PITPNM3: variants seen among roughly 807,000 people sequenced by gnomAD.
The protein encoded by PITPNM3 is membrane-associated phosphatidylinositol transfer protein 3.
In PITPNM3, 26 loss-of-function variants were observed where a neutral mutation model predicts 102.0. The observed-to-expected ratio is 0.25, with a 90% confidence interval of 0.19 to 0.35. The LOEUF (loss-of-function observed/expected upper bound fraction) is 0.35, where lower values mean the gene tolerates loss of function less well. Ranked by LOEUF, PITPNM3 falls within the 10% of genes least tolerant of loss-of-function variation. The probability of loss-of-function intolerance (pLI) is 1.00; values close to 1 mark genes in which losing one functional copy is unlikely to be tolerated. For synonymous variants in PITPNM3, 578 were observed against 558.6 expected (o/e 1.03, Z -0.49); for missense variants, 1,083 against 1,346.1 (o/e 0.80, Z 3.06).
Position 6,469,897 on chromosome 17 carries a change from G to C in PITPNM3, c.1773+363C>G, listed in dbSNP as rs1321983396. ...TCCCTCCCCACCAGGCTCTCCTTCT[G>C]GCGCCGGCCTTTCTGCTATACCTTC... On this transcript the variant is annotated intron_variant, in intron 13 of 19. Coordinates refer to ENST00000262483, the MANE Select transcript of PITPNM3 (RefSeq NM_031220.4). This position sits in a 1 kb window ranked among gnomAD's most constrained non-coding sequence, Gnocchi z 4.0. 6.6e-6 allele frequency among the ~76,000 whole-genome samples: 1 copy of C among 152,128 alleles called. No individual in the cohort carries two copies. The highest frequency in any genetic ancestry group is 1.5e-5 in the Non-Finnish European group (1 of 68,026).
chr17:6,543,760 C>T (rs1181441679), intron 1 of PITPNM3, among the ~76,000 whole-genome samples: 1 of 152,144 alleles, frequency 6.6e-6, no homozygotes, highest in African/African-American at 2.4e-5. Flanking sequence ...ATGTCTGTCC[C>T]GCGGCAAGTG....
At chr17:6,522,332 T>C (rs1908582237) in intron 3 of PITPNM3, among the ~76,000 whole-genome samples, 1 of 150,986 alleles carries the variant, frequency 6.6e-6, no homozygotes, top group Non-Finnish European at 1.5e-5. Flanking sequence ...ATTAACACCC[T>C]TGAGAACTGG....
At chr17:6,480,212 C>A (rs1489157024) in intron 6 of PITPNM3, 1 of 152,204 alleles carries the variant, frequency 6.6e-6, no homozygotes, top group Non-Finnish European at 1.5e-5. Context: ...AGCCAGGTTG[C>A]GGAATTACAG....
Position 6,472,095 on chromosome 17 carries a change from T to C in PITPNM3, c.1429+562A>G, listed in dbSNP as rs948189497. 2.0e-5 allele frequency among the ~76,000 whole-genome samples: 3 copies of C among 152,290 alleles called. No individual in the cohort carries two copies. The highest frequency in any genetic ancestry group is 4.8e-5 in the African/African-American group (2 of 41,558). On this transcript the variant is annotated intron_variant, in intron 11 of 19. Coordinates refer to ENST00000262483, the MANE Select transcript of PITPNM3 (RefSeq NM_031220.4). The surrounding 1 kb of genome is among the most constrained non-coding windows in gnomAD (Gnocchi z 4.1). ...CTGACTGTCCATTACAGGTCTCCCA[T>C]CGACGATACACTCGGTCCATGCCCG...
At chr17:6,499,580 C>T (rs749480124) in intron 4 of PITPNM3, among the ~76,000 whole-genome samples, 26 of 152,202 alleles carry the variant, frequency 1.7e-4, no homozygotes, top group Non-Finnish European at 2.9e-4. Flanking sequence ...AAGGCACATC[C>T]GTCCAGTAAC....
intron 16 of PITPNM3, 44 bp downstream of exon 16, chr17:6,464,126 T>C (rs1380751723): frequency 7.4e-6 from 12 of 1,613,838 alleles, no homozygotes; most frequent in Middle Eastern, 1.7e-4. Flanking sequence ...GGAAGGGCCA[T>C]AGAAATGAGA....
rs1284584279 is a variant in PITPNM3, at chr17:6,508,039, T to TGCTGGGGATGCA, written c.227-4466_227-4465insTGCATCCCCAGC. Among the ~76,000 whole-genome samples, 89 of 149,056 alleles carry TGCTGGGGATGCA rather than the reference T, an allele frequency of 6.0e-4. 22 individuals are homozygous for TGCTGGGGATGCA. Among genetic ancestry groups the TGCTGGGGATGCA allele is most frequent in the African/African-American group, 2.1e-3 (83 of 40,018 alleles). ...GGGATGCAGCTGGGGTTGCTGGGAA[T>TGCTGGGGATGCA]GCTGGGGTTGCTGGGGTTGCTGGGG... On this transcript the variant is annotated intron_variant, in intron 3 of 19. Transcript: ENST00000262483.
Position 6,455,500 on chromosome 17 carries a change from G to A in PITPNM3, c.2763C>T (p.Asn921=), listed in dbSNP as rs767579255. Reference sequence around the variant, plus strand: ...GCACTGACATGGTTCTGCGCAGGTGGTTGCGCTTCCGCAGGAACTCTGGCT... The same window carrying A: ...GCACTGACATGGTTCTGCGCAGGTGATTGCGCTTCCGCAGGAACTCTGGCT... ...HAQPEFLRKR[N]HLRRTMSVQQ... The change falls in exon 20 of 20, where the codon AAC becomes AAT. Residue 921 remains asparagine, a synonymous_variant. Transcript: ENST00000262483. The A allele has an allele frequency of 4.4e-6, 7 of 1,606,050 alleles. No individual in the cohort carries two copies. The highest frequency in any genetic ancestry group is 2.2e-5 in the East Asian group (1 of 44,644).
intron 8 of PITPNM3, 92 bp from the exon 9 acceptor site, chr17:6,477,305 C>T: frequency 1.5e-6 from 2 of 1,332,424 alleles, no homozygotes; most frequent in Admixed American, 1.8e-5. Flanking sequence ...CAAACCAACC[C>T]CTTCATCCTA....
Position 6,525,464 on chromosome 17 carries a change from C to T in PITPNM3, c.119-1G>A. ...GCATTCTTCCCTTCAGCCATCTCCTCTGTGGGAAGAAGCAGCGGTGAGCAG... is the reference window on the plus strand; with the variant it reads ...GCATTCTTCCCTTCAGCCATCTCCTTTGTGGGAAGAAGCAGCGGTGAGCAG... On this transcript the variant is annotated splice_acceptor_variant, in intron 2 of 19. Coordinates refer to ENST00000262483, the MANE Select transcript of PITPNM3 (RefSeq NM_031220.4). LOFTEE classifies it high-confidence loss of function. 6.2e-7 allele frequency: 1 copy of T among 1,613,000 alleles called. No individual in the cohort carries two copies. Among genetic ancestry groups the T allele is most frequent in the Non-Finnish European group, 8.5e-7 (1 of 1,178,932 alleles).
chr17:6,524,834 C>T (rs1908734939), intron 3 of PITPNM3, among the ~76,000 whole-genome samples: 1 of 152,170 alleles, frequency 6.6e-6, no homozygotes, highest in Non-Finnish European at 1.5e-5. Context: ...AATCAGCCTG[C>T]TTTGTAGGCT....
Position 6,455,591 on chromosome 17 carries a change from C to CGGTG in PITPNM3, c.2668_2671dup (p.Arg891ProfsTer187). 6.4e-7 allele frequency: 1 copy of CGGTG among 1,560,010 alleles called. No homozygotes were observed. The highest frequency in any genetic ancestry group is 8.6e-7 in the Non-Finnish European group (1 of 1,156,592). On this transcript the variant is annotated frameshift_variant, in exon 20 of 20. Transcript: ENST00000262483. LOFTEE classifies it high-confidence loss of function. ...CGAGTTGTTCTTCTTTGGGCGTGAG[C>CGGTG]GGTGGCTGGCCTCCAGCGCGGCCAG...
chr17:6,511,522 G>A (rs146327715), intron 3 of PITPNM3, among the ~76,000 whole-genome samples: 119 of 152,314 alleles, frequency 7.8e-4, no homozygotes, highest in African/African-American at 2.6e-3. Context: ...TCAGGGCCCA[G>A]TGTAAAATGA....
At chr17:6,524,179 C>T (rs1908694723) in intron 3 of PITPNM3, among the ~76,000 whole-genome samples, 1 of 152,210 alleles carries the variant, frequency 6.6e-6, no homozygotes, top group African/African-American at 2.4e-5. Flanking sequence ...GGCAGCCGTT[C>T]CCGTGGGCTG....
rs894016884 is a variant in PITPNM3 at position 6,451,416 on chromosome 17, G to A, written c.*3922C>T. On this transcript the variant is annotated 3_prime_UTR_variant, in exon 20 of 20. Transcript: ENST00000262483. Reference sequence around the variant, plus strand: ...GATATCTTACATTAGCGTTTCTAACGGATTTTGTACAAGGCAGCCATAAGG... The same window carrying A: ...GATATCTTACATTAGCGTTTCTAACAGATTTTGTACAAGGCAGCCATAAGG... 3 of 152,162 alleles carry A rather than the reference G, an allele frequency of 2.0e-5. No individual in the cohort carries two copies. Among genetic ancestry groups the A allele is most frequent in the African/African-American group, 4.8e-5 (2 of 41,444 alleles). The allele number at this position is 152,162 out of a possible 1,614,324, so 9.4% of individuals were successfully genotyped here. A position where few individuals can be genotyped will look rare whatever the true frequency, so the allele number is the denominator to read the frequency against.
chr17:6,471,331 G>T lies in PITPNM3; in HGVS notation c.1454C>A (p.Pro485His). ...CCGGGAGCTGCCCTCCAGGAAGAGGGGGCTGTGGGTGTGTAGGGCATCAGC... is the reference window on the plus strand; with the variant it reads ...CCGGGAGCTGCCCTCCAGGAAGAGGTGGCTGTGGGTGTGTAGGGCATCAGC... Reference protein sequence around the residue: ...LLADALHTHSPLFLEGSSRDS... With the variant: ...LLADALHTHSHLFLEGSSRDS... Residue 485 changes from proline to histidine, a missense_variant, in exon 12 of 20, where the codon CCC becomes CAC. By Grantham distance (77) the Pro-to-His change is moderately conservative (BLOSUM62 -2). Coordinates refer to ENST00000262483, the MANE Select transcript of PITPNM3 (RefSeq NM_031220.4). The T allele has an allele frequency of 6.2e-7, 1 of 1,605,264 alleles. No individual in the cohort carries two copies. Among genetic ancestry groups the T allele is most frequent in the Non-Finnish European group, 8.5e-7 (1 of 1,177,294 alleles).
chr17:6,458,009 C>T lies in PITPNM3; in HGVS notation c.2491-287G>A, dbSNP rs1329629649. On this transcript the variant is annotated intron_variant, in intron 18 of 19. Coordinates refer to ENST00000262483, the MANE Select transcript of PITPNM3 (RefSeq NM_031220.4). This position sits in a 1 kb window ranked among gnomAD's most constrained non-coding sequence, Gnocchi z 5.1. ...CAGGTTAAGTAATAATGAAGGCAAG[C>T]GTTCCTTTGTGGATAAGGAAATTGA... 6.6e-6 allele frequency among the ~76,000 whole-genome samples: 1 copy of T among 152,166 alleles called. No homozygotes were observed. The highest frequency in any genetic ancestry group is 2.4e-5 in the African/African-American group (1 of 41,436).
rs528852345 is a variant in PITPNM3 at position 6,555,927 on chromosome 17, G to A, written c.22+458C>T. Among the ~76,000 whole-genome samples the A allele has an allele frequency of 9.9e-5, 15 of 152,250 alleles. No individual in the cohort carries two copies. The East Asian group carries it at 2.9e-3, about 30-fold the overall frequency. ...GGAATCTGGGTCTCTGGACTGAGCT[G>A]GTGACGGGGGCTGGGGCGGGGGGTT... On this transcript the variant is annotated intron_variant, in intron 1 of 19. Transcript: ENST00000262483.
rs55984944 is a variant in PITPNM3, at chr17:6,451,892, C to CCACCA, written c.*3445_*3446insTGGTG. On this transcript the variant is annotated 3_prime_UTR_variant, in exon 20 of 20. Coordinates refer to ENST00000262483, the MANE Select transcript of PITPNM3 (RefSeq NM_031220.4). ...ACCCAAACCCCCCCCCCCCGCCCGCCGATGGGATTCGGTGGGAAAGTTGGT... is the reference window on the plus strand; with the variant it reads ...ACCCAAACCCCCCCCCCCCGCCCGCCCACCAGATGGGATTCGGTGGGAAAGTTGGT... The CCACCA allele has an allele frequency of 1.1e-5, 1 of 94,446 alleles. No homozygotes were observed. Among genetic ancestry groups the CCACCA allele is most frequent in the Non-Finnish European group, 2.2e-5 (1 of 46,070 alleles). The allele number at this position is 94,446 out of a possible 1,614,324, so 5.9% of individuals were successfully genotyped here.
Sources: allele counts gnomAD v4.1 joint callset (sites outside exome capture counted in the v4.1 genomes callset), GRCh38; gene constraint gnomAD v4.1.1; non-coding constraint Gnocchi (gnomAD v3.1); transcripts MANE v1.5; gene names NCBI Gene and HGNC (gene_info 2026-07-23, HGNC 2026-07-21).